RBMS3: variants seen among roughly 807,000 people sequenced by gnomAD.
RBMS3 encodes RNA binding motif single stranded interacting protein 3.
In RBMS3, 27 loss-of-function variants were observed where a neutral mutation model predicts 66.8. The observed-to-expected ratio is 0.40, with a 90% CI of 0.30 to 0.56. The LOEUF (loss-of-function observed/expected upper bound fraction) is 0.56. Ranked by LOEUF, RBMS3 falls within the 20% of genes least tolerant of loss-of-function variation. The pLI is 0.40. For missense variants in RBMS3, 513 were observed against 549.5 expected, an observed-to-expected ratio of 0.93 and a Z score of 0.66; for synonymous variants, 188 against 183.0, an observed-to-expected ratio of 1.03 and a Z score of -0.22.
At chr3:29,473,455 G>A (rs147754930) in intron 2 of RBMS3, among the ~76,000 whole-genome samples, 14,498 of 152,298 alleles carry the variant, frequency 0.095, 1,049 homozygotes, top group East Asian at 0.25. Context: ...AGTGGATCCC[G>A]CACGGAGGCC....
intron 1 of RBMS3, among the ~76,000 whole-genome samples, chr3:29,310,907 A>C (rs918067785): frequency 1.3e-5 from 2 of 151,720 alleles, no homozygotes; most frequent in African/African-American, 4.8e-5. Flanking sequence ...TTTTTCTGTT[A>C]TTAGATAAAA....
chr3:29,381,783 G>C (rs1395469340), intron 1 of RBMS3, among the ~76,000 whole-genome samples: 1 of 152,108 alleles, frequency 6.6e-6, no homozygotes, highest in Non-Finnish European at 1.5e-5. Context: ...GTGGCACCTG[G>C]GTGGAAGTGC....
Position 29,587,048 on chromosome 3 carries a change from T to C in RBMS3, c.308-66T>C, listed in dbSNP as rs2149093254. 4 of 1,244,872 alleles carry C rather than the reference T, an allele frequency of 3.2e-6. No individual in the cohort carries two copies. In the East Asian group the frequency reaches 9.7e-5, roughly 30 times the overall value. The allele number at this position is 1,244,872 out of a possible 1,614,324, so 77.1% of individuals were successfully genotyped here. A position where few individuals can be genotyped will look rare whatever the true frequency, so the allele number is the denominator to read the frequency against. On this transcript the variant is annotated intron_variant, in intron 3 of 14. Transcript: ENST00000383767. ...TGCAAGTCTATCTGTAAACTTGTAC[T>C]TCATCAGTGAAGATAGAGATTCAGC...
chr3:29,679,876 T>C (rs2051416460), intron 4 of RBMS3, among the ~76,000 whole-genome samples: 1 of 152,032 alleles, frequency 6.6e-6, no homozygotes, highest in South Asian at 2.1e-4. Flanking sequence ...ATCTTAATTC[T>C]GCTTGTTTAA....
chr3:29,566,800 T>G (rs1374274266), intron 3 of RBMS3, among the ~76,000 whole-genome samples: 1 of 152,102 alleles, frequency 6.6e-6, no homozygotes. Context: ...TGGGGGATGA[T>G]GAAAGAGTTC....
chr3:29,364,047 C>T (rs549806937), intron 1 of RBMS3, among the ~76,000 whole-genome samples: 1 of 152,016 alleles, frequency 6.6e-6, no homozygotes, highest in East Asian at 1.9e-4. Flanking sequence ...AATATTTCTA[C>T]TTCTAGGAAG....
At chr3:29,897,552 T>C (rs2060153348) in intron 9 of RBMS3, 77 bp downstream of exon 9, 7 of 1,368,618 alleles carry the variant, frequency 5.1e-6, no homozygotes, top group Admixed American at 1.7e-5. Flanking sequence ...AAGGACACAG[T>C]AGAATGAAAA....
At chr3:29,608,308 A>G (rs2048378765) in intron 4 of RBMS3, among the ~76,000 whole-genome samples, 1 of 152,030 alleles carries the variant, frequency 6.6e-6, no homozygotes. Context: ...CTGAGTTAAA[A>G]TCAAACAAAT....
At chr3:29,794,447 A>G (rs2057114997) in intron 6 of RBMS3, among the ~76,000 whole-genome samples, 1 of 152,080 alleles carries the variant, frequency 6.6e-6, no homozygotes, top group South Asian at 2.1e-4. Context: ...TTAGCCAGGC[A>G]TGGTGGCGGG....
At chr3:29,440,520 A>T (rs1438338) in intron 2 of RBMS3, among the ~76,000 whole-genome samples, 48,759 of 152,120 alleles carry the variant, frequency 0.32, 10,358 homozygotes, top group African/African-American at 0.57. Flanking sequence ...CCCTGCCCCC[A>T]CACTTTTCTC....
chr3:29,738,970 T>C (rs2054499612), intron 4 of RBMS3, among the ~76,000 whole-genome samples: 3 of 152,190 alleles, frequency 2.0e-5, no homozygotes. Flanking sequence ...ATGGTAATTA[T>C]ATCTATTAAG....
intron 1 of RBMS3, among the ~76,000 whole-genome samples, chr3:29,424,488 A>G (rs1462815463): frequency 6.6e-6 from 1 of 152,222 alleles, no homozygotes; most frequent in Non-Finnish European, 1.5e-5. Context: ...AGTACTGGGA[A>G]GTAGAAGGAA....
intron 10 of RBMS3, among the ~76,000 whole-genome samples, chr3:29,935,386 A>G (rs2149687337): frequency 6.6e-6 from 1 of 152,218 alleles, no homozygotes; most frequent in East Asian, 1.9e-4. Context: ...CTGATTTAAA[A>G]GTTGACACTT....
In RBMS3 at chr3:30,006,443, C is replaced by A. The variant is rs1322136793; in HGVS notation, c.*2581C>A. 1 of 151,798 alleles carries A rather than the reference C, an allele frequency of 6.6e-6. No individual in the cohort carries two copies. Among genetic ancestry groups the A allele is most frequent in the African/African-American group, 2.4e-5 (1 of 41,394 alleles). 9.4% of individuals were successfully genotyped at this position (151,798 alleles called of 1,614,324 possible). The stretch of plus-strand genomic sequence containing the variant: ...TGTAGTGTGCGTTATAGAGAAATTC[C>A]AACTGGTCACACTCACCATTATGGT... On this transcript the variant is annotated 3_prime_UTR_variant, in exon 15 of 15. Transcript: ENST00000383767.
At chr3:29,338,651 G>C (rs1470975173) in intron 1 of RBMS3, among the ~76,000 whole-genome samples, 1 of 146,596 alleles carries the variant, frequency 6.8e-6, no homozygotes, top group Non-Finnish European at 1.5e-5. Flanking sequence ...AGATTATGCT[G>C]TCTAGGATTT....
At chr3:29,479,446 T>A (rs930093196) in intron 2 of RBMS3, among the ~76,000 whole-genome samples, 3 of 151,964 alleles carry the variant, frequency 2.0e-5, no homozygotes, top group Admixed American at 2.0e-4. Context: ...TGCATCAAGC[T>A]CTATACTGAT....
intron 12 of RBMS3, among the ~76,000 whole-genome samples, chr3:29,949,760 T>A (rs1695555141): frequency 1.3e-5 from 2 of 151,536 alleles, no homozygotes; most frequent in Admixed American, 6.6e-5. Context: ...TATATTTTTT[T>A]AATATTTTCA....
chr3:29,869,041 G>A, intron 7 of RBMS3, 77 bp downstream of exon 7: 2 of 1,203,938 alleles, frequency 1.7e-6, no homozygotes, highest in South Asian at 1.5e-5. Context: ...CAGACGTATG[G>A]TGCCATGATG....
chr3:29,601,453 T>C (rs2048140315), intron 4 of RBMS3, among the ~76,000 whole-genome samples: 1 of 152,008 alleles, frequency 6.6e-6, no homozygotes, highest in African/African-American at 2.4e-5. Context: ...TTGAAACTTT[T>C]CAAATGGTCT....
Sources: allele counts gnomAD v4.1 joint callset (sites outside exome capture counted in the v4.1 genomes callset), GRCh38; gene constraint gnomAD v4.1.1; transcripts MANE v1.5; gene names NCBI Gene and HGNC (gene_info 2026-07-23, HGNC 2026-07-21).